The following PAK3 variants were observed in gnomAD, a reference collection of about 807,000 sequenced individuals.
PAK3 encodes p21 (RAC1) activated kinase 3.
A neutral mutation model predicts 41.0 loss-of-function variants in PAK3; 4 were observed. The observed-to-expected ratio is 0.10, with a 90% CI of 0.05 to 0.22. The LOEUF is 0.22. Ranked by LOEUF, PAK3 falls within the 10% of genes least tolerant of loss-of-function variation. PAK3 has a pLI of 1.00. For missense variants in PAK3, 205 were observed against 409.9 expected, an observed-to-expected ratio of 0.50 and a Z score of 4.32; for synonymous variants, 146 against 139.6, an observed-to-expected ratio of 1.05 and a Z score of -0.32.
At chrX:110,945,735 T>C (rs2090604545) in intron 1 of PAK3, among the ~76,000 whole-genome samples, 1 of 111,981 alleles carries the variant, frequency 8.9e-6, no homozygotes, top group African/African-American at 3.2e-5. Flanking sequence ...AGAGGTTTTT[T>C]TTTTCTTTCT....
chrX:111,207,737 C>T (rs2094769844), intron 16 of PAK3, among the ~76,000 whole-genome samples: 1 of 112,057 alleles, frequency 8.9e-6, no homozygotes, highest in Non-Finnish European at 1.9e-5. Context: ...ATTGATGATC[C>T]TGACGCTGTC....
At position 111,022,085 on chromosome X, in the gene PAK3, A is replaced by C. The variant is rs192624904; in HGVS notation, c.-28+77457A>C. ...GCTCCCGAGGAAGAAGAGAAATCTA[A>C]AAGTTTGGAAAACATATTTGAGGGA... On this transcript the variant is annotated intron_variant, in intron 1 of 14. Coordinates refer to the PAK3 transcript ENST00000425146. Among the ~76,000 whole-genome samples, 460 of 112,257 alleles carry C rather than the reference A, an allele frequency of 4.1e-3. 4 individuals carry two copies. The highest frequency in any genetic ancestry group is 0.013 in the African/African-American group (410 of 30,956).
At chrX:111,028,556 CA>C (rs887769807) in intron 1 of PAK3, among the ~76,000 whole-genome samples, 5 of 107,239 alleles carry the variant, frequency 4.7e-5, no homozygotes, top group East Asian at 2.9e-4. Context: ...AATAATTTAA[CA>C]AAAAAAAAGC....
chrX:111,188,383 C>T (rs73541169), intron 11 of PAK3, among the ~76,000 whole-genome samples: 21,157 of 109,280 alleles, frequency 0.19, 4,595 homozygotes, highest in African/African-American at 0.63. Flanking sequence ...ATTTTGGGCC[C>T]CCCTCCCTAG....
intron 1 of PAK3, among the ~76,000 whole-genome samples, chrX:111,055,584 A>G (rs2092598165): frequency 8.9e-6 from 1 of 112,234 alleles, no homozygotes; most frequent in African/African-American, 3.2e-5. Flanking sequence ...CCCAGGAACA[A>G]TTCTCTAGCT....
intron 1 of PAK3, among the ~76,000 whole-genome samples, chrX:111,007,765 C>T (rs2091954018): frequency 9.0e-6 from 1 of 111,697 alleles, no homozygotes; most frequent in Admixed American, 9.5e-5. Context: ...GAATTAGAGG[C>T]TATCCTGTTA....
intron 1 of PAK3, among the ~76,000 whole-genome samples, chrX:110,996,074 A>G (rs2091734237): frequency 1.8e-5 from 2 of 111,956 alleles, no homozygotes; most frequent in South Asian, 7.5e-4. Context: ...GAGCATTAAA[A>G]AACAAAACAA....
Position 110,951,001 on chromosome X carries a change from G to GA in PAK3, c.-28+6381dup, listed in dbSNP as rs201602962. ...TTTAATCTTAGACAATGTGAAGGCT[G>GA]AAAAAAAATCTCCTTTCTCTTTGCA... is the stretch of plus-strand genomic sequence containing the variant. On this transcript the variant is annotated intron_variant, in intron 1 of 14. Coordinates refer to the PAK3 transcript ENST00000425146. Among the ~76,000 whole-genome samples the GA allele has an allele frequency of 5.4e-5, 6 of 111,204 alleles. No individual in the cohort carries two copies. In the East Asian group the frequency reaches 8.5e-4, roughly 16 times the overall value.
chrX:111,219,242 G>GCCT (rs2094908880), intron 17 of PAK3, among the ~76,000 whole-genome samples: 1 of 90,871 alleles, frequency 1.1e-5, no homozygotes, highest in Non-Finnish European at 2.3e-5. Flanking sequence ...TAATAAGCAA[G>GCCT]AGATAAATGT....
chrX:111,213,799 G>A (rs988556908), intron 16 of PAK3, among the ~76,000 whole-genome samples: 1 of 112,130 alleles, frequency 8.9e-6, no homozygotes, highest in Admixed American at 9.5e-5. Context: ...ATGTTTGGGA[G>A]GACAGGTGCT....
upstream of PAK3, among the ~76,000 whole-genome samples, chrX:111,095,785 C>T (rs2092971884): frequency 1.8e-5 from 2 of 110,960 alleles, no homozygotes; most frequent in South Asian, 7.8e-4. Context: ...ACCGTTTTTT[C>T]CCCCGAATAA....
At chrX:110,985,457 G>A (rs749761012) in intron 1 of PAK3, among the ~76,000 whole-genome samples, 5 of 112,336 alleles carry the variant, frequency 4.5e-5, no homozygotes, top group Admixed American at 9.4e-5. Flanking sequence ...TTTAATAGGT[G>A]GTCAATAAGT....
intron 5 of PAK3, among the ~76,000 whole-genome samples, chrX:111,129,795 C>T (rs1160031448): frequency 9.0e-6 from 1 of 111,158 alleles, no homozygotes; most frequent in South Asian, 3.8e-4. Flanking sequence ...GGAGAAGATA[C>T]AGAGGATGGA....
intron 1 of PAK3, among the ~76,000 whole-genome samples, chrX:111,073,567 A>C (rs2092762392): frequency 8.9e-6 from 1 of 112,120 alleles, no homozygotes; most frequent in Admixed American, 9.5e-5. Flanking sequence ...GATCATAAGA[A>C]TCTACTATGA....
At chrX:110,963,162 C>A (rs1189715396) in intron 1 of PAK3, among the ~76,000 whole-genome samples, 1 of 112,514 alleles carries the variant, frequency 8.9e-6, no homozygotes. Context: ...TAATATACTC[C>A]TGAGTGATTG....
chrX:111,204,568 C>G lies in PAK3; in HGVS notation c.1407+7928C>G, dbSNP rs1217060172. 2.7e-5 allele frequency among the ~76,000 whole-genome samples: 3 copies of G among 111,491 alleles called. No individual in the cohort carries two copies. The Admixed American group carries it at 2.9e-4, about 11-fold the overall frequency. ...TTTTTGCCAATGAAGAATTATTTTA[C>G]CAAGAAAGTTGGAGTTTTCTTAATA... On this transcript the variant is annotated intron_variant, in intron 16 of 17. Transcript: ENST00000372007.
chrX:111,207,339 G>A (rs755832001), intron 16 of PAK3, among the ~76,000 whole-genome samples: 8 of 110,517 alleles, frequency 7.2e-5, no homozygotes, highest in African/African-American at 2.3e-4. Context: ...TTTTTAAAAT[G>A]ATGGTTTCAT....
At chrX:111,037,023 C>A (rs1247170712) in intron 1 of PAK3, among the ~76,000 whole-genome samples, 2 of 111,743 alleles carry the variant, frequency 1.8e-5, no homozygotes, top group Non-Finnish European at 3.8e-5. Flanking sequence ...CTCCTCATTG[C>A]AACCTCTGCC....
rs199712505 is a variant in PAK3, at chrX:111,028,018, C to CATAT, written c.-28+83395_-28+83398dup. Among the ~76,000 whole-genome samples, 18 of 102,702 alleles carry CATAT rather than the reference C, an allele frequency of 1.8e-4. 1 individual carries two copies. Among genetic ancestry groups the CATAT allele is most frequent in the African/African-American group, 6.5e-4 (18 of 27,641 alleles). 89.2% of individuals were successfully genotyped at this position (102,702 alleles called of 115,157 possible). A position where few individuals can be genotyped will look rare whatever the true frequency, so the allele number is the denominator to read the frequency against. On this transcript the variant is annotated intron_variant, in intron 1 of 14. Coordinates refer to the PAK3 transcript ENST00000425146. ...ATGTGTGTGTGTGTATATATATATACATATATATGTGTGTATATATATATA... is the reference window on the plus strand; with the variant it reads ...ATGTGTGTGTGTGTATATATATATACATATATATATATGTGTGTATATATATATA...
Sources: allele counts gnomAD v4.1 joint callset (sites outside exome capture counted in the v4.1 genomes callset), GRCh38; gene constraint gnomAD v4.1.1; transcripts MANE v1.5; gene names NCBI Gene and HGNC (gene_info 2026-07-23, HGNC 2026-07-21).